TTC21A: variants seen among roughly 807,000 people sequenced by gnomAD.
TTC21A encodes tetratricopeptide repeat protein 21A.
TTC21A carries 128 observed loss-of-function variants against 156.4 expected under a neutral mutation model. The ratio of observed to expected loss-of-function variants is 0.82; its 90% CI spans 0.71 to 0.95. The LOEUF is 0.95. TTC21A is among the 40% of genes least tolerant of loss of function. The probability of loss-of-function intolerance (pLI) is 0.00; values close to 1 mark genes in which losing one functional copy is unlikely to be tolerated. For missense variants in TTC21A, 1,435 were observed against 1,602.3 expected, an observed-to-expected ratio of 0.90 and a Z score of 1.78; for synonymous variants, 587 against 617.1, an observed-to-expected ratio of 0.95 and a Z score of 0.72.
intron 8 of TTC21A, among the ~76,000 whole-genome samples, chr3:39,120,334 A>G (rs2037665440): frequency 6.6e-6 from 1 of 152,182 alleles, no homozygotes; most frequent in African/African-American, 2.4e-5. Context: ...GCTGTTATGC[A>G]GCAGAGCCAC....
rs764658746 is a variant in TTC21A at position 39,110,987 on chromosome 3, C to T, written c.405C>T (p.Arg135=). The T allele has an allele frequency of 1.2e-6, 2 of 1,612,132 alleles. No individual in the cohort carries two copies. The highest frequency in any genetic ancestry group is 1.1e-5 in the South Asian group (1 of 90,984). ...RHDKAKEYID[R]MLKISRGFRE... ...ACAAGGCCAAAGAGTACATTGACCGCATGCTGAAGATTTCTAGAGGCTTCA... is the reference window on the plus strand; with the variant it reads ...ACAAGGCCAAAGAGTACATTGACCGTATGCTGAAGATTTCTAGAGGCTTCA... The change falls in exon 4 of 29, where the codon CGC becomes CGT. Residue 135 remains arginine, a synonymous_variant. Coordinates refer to ENST00000683103, the MANE Select transcript of TTC21A (RefSeq NM_001366900.1).
intron 20 of TTC21A, among the ~76,000 whole-genome samples, chr3:39,133,866 AATG>A (rs1301022672): frequency 3.9e-5 from 6 of 152,224 alleles, no homozygotes; most frequent in African/African-American, 1.4e-4. Flanking sequence ...AGGCAGCGCT[AATG>A]CCATGCAATA....
chr3:39,110,666 C>T (rs2036739040), intron 3 of TTC21A, among the ~76,000 whole-genome samples, 185 bp from the exon 4 acceptor site: 1 of 152,222 alleles, frequency 6.6e-6, no homozygotes, highest in Non-Finnish European at 1.5e-5. Flanking sequence ...CCTGCAGCAT[C>T]TCAAGGGCAG....
chr3:39,131,056 G>A lies in TTC21A; in HGVS notation c.2523G>A (p.Lys841=), dbSNP rs768735696. The change falls in exon 19 of 29, where the codon AAG becomes AAA. Residue 841 remains lysine, a synonymous_variant. Coordinates refer to ENST00000683103, the MANE Select transcript of TTC21A (RefSeq NM_001366900.1). ...KCLLLLAKVY[K]SHKKEAVIET... ...TGCTTTTGCTGGCAAAGGTTTACAA[G>A]AGCCATAAAAAAGAAGCTGTGATAG... is the stretch of plus-strand genomic sequence containing the variant. 6.2e-7 allele frequency: 1 copy of A among 1,612,830 alleles called. No individual in the cohort carries two copies. Among genetic ancestry groups the A allele is most frequent in the Non-Finnish European group, 8.5e-7 (1 of 1,180,018 alleles).
At position 39,129,177 on chromosome 3, in the gene TTC21A, A is replaced by C. The variant is rs1451246029; in HGVS notation, c.2002A>C (p.Asn668His). Residue 668 changes from asparagine to histidine, a missense_variant, in exon 15 of 29, where the codon AAT (asparagine) becomes CAT (histidine). Asn to His is a moderately conservative substitution (Grantham distance 68). Coordinates refer to ENST00000683103, the MANE Select transcript of TTC21A (RefSeq NM_001366900.1). ...CGTGGACTTGGTCCTGAGCAAGGGC[A>C]ATGTGGACGTGGCGCTGAACATGCT... ...ANVDLVLSKG[N>H]VDVALNMLRN... 1.2e-6 allele frequency: 2 copies of C among 1,614,140 alleles called. No homozygotes were observed. The highest frequency in any genetic ancestry group is 1.7e-6 in the Non-Finnish European group (2 of 1,180,056).
chr3:39,137,165 G>GT, intron 24 of TTC21A, 30 bp from the exon 25 acceptor site: 3 of 1,604,260 alleles, frequency 1.9e-6, no homozygotes, highest in Non-Finnish European at 2.6e-6. Context: ...CCACCGGCCT[G>GT]TGTCTGATAC....
At chr3:39,132,430 T>C (rs1469087389) in intron 19 of TTC21A, among the ~76,000 whole-genome samples, 1 of 152,166 alleles carries the variant, frequency 6.6e-6, no homozygotes, top group African/African-American at 2.4e-5. Flanking sequence ...GGCCTCAAAC[T>C]TGTTCCTGGA....
intron 19 of TTC21A, 49 bp from the exon 20 acceptor site, chr3:39,133,003 G>A (rs758171320): frequency 6.3e-7 from 1 of 1,587,234 alleles, no homozygotes. Flanking sequence ...TCTGTGAACT[G>A]GTATGTCAGG....
chr3:39,136,464 C>A lies in TTC21A; in HGVS notation c.3052C>A (p.Pro1018Thr), dbSNP rs375357877. ...GGCCAAGAAGGTGTCTAGCCGGGTG[C>A]CTTTGGAACCAGGGTTCAATTACTG... ...ELAKKVSSRVPLEPGFNYCRG... is the reference protein window; with the variant it reads ...ELAKKVSSRVTLEPGFNYCRG... Residue 1018 changes from proline to threonine, a missense_variant, in exon 23 of 29, where the codon CCT (proline) becomes ACT (threonine). Physicochemically the swap from Pro to Thr is conservative, Grantham distance 38. Coordinates refer to ENST00000683103, the MANE Select transcript of TTC21A (RefSeq NM_001366900.1). The A allele has an allele frequency of 3.1e-6, 5 of 1,614,250 alleles. No homozygotes were observed. The highest frequency in any genetic ancestry group is 3.4e-6 in the Non-Finnish European group (4 of 1,180,050).
rs775704868 is a variant in TTC21A, at chr3:39,129,154, T to C, written c.1979T>C (p.Val660Ala). 1 of 1,614,264 alleles carries C rather than the reference T, an allele frequency of 6.2e-7. No individual in the cohort carries two copies. The highest frequency in any genetic ancestry group is 8.5e-7 in the Non-Finnish European group (1 of 1,180,050). ...GAGAACCGCATCACCATTGCCAACGTGGACTTGGTCCTGAGCAAGGGCAAT... is the reference window on the plus strand; with the variant it reads ...GAGAACCGCATCACCATTGCCAACGCGGACTTGGTCCTGAGCAAGGGCAAT... ...PEENRITIANVDLVLSKGNVD... is the reference protein window; with the variant it reads ...PEENRITIANADLVLSKGNVD... Residue 660 changes from valine to alanine, a missense_variant, in exon 15 of 29, where the codon GTG (valine) becomes GCG (alanine). Val to Ala is a moderately conservative substitution (Grantham distance 64). Transcript: ENST00000683103.
chr3:39,119,659 A>G (rs1251053730), intron 7 of TTC21A: 2 of 300,696 alleles, frequency 6.7e-6, no homozygotes, highest in Non-Finnish European at 1.2e-5. Context: ...AAAAGAAAAA[A>G]AAAAAACAAA....
chr3:39,134,991 C>T lies in TTC21A; in HGVS notation c.2863-102C>T. On this transcript the variant is annotated intron_variant, in intron 21 of 28. Coordinates refer to ENST00000683103, the MANE Select transcript of TTC21A (RefSeq NM_001366900.1). The surrounding 1 kb of genome is among the most constrained non-coding windows in gnomAD (Gnocchi z 4.6). ...GGCTGCCTTGCAAGTCCTTTTCTAC[C>T]TTCCCTTCTTACCACCATCACCCCC... The T allele has an allele frequency of 9.7e-7, 1 of 1,028,940 alleles. No individual in the cohort carries two copies. The highest frequency in any genetic ancestry group is 1.5e-6 in the Non-Finnish European group (1 of 652,962). The allele number at this position is 1,028,940 out of a possible 1,614,324, so 63.7% of individuals were successfully genotyped here.
chr3:39,108,168 C>T (rs571605819), intron 1 of TTC21A: 3 of 564,838 alleles, frequency 5.3e-6, no homozygotes, highest in South Asian at 2.3e-5. Flanking sequence ...GCGCCTCCCA[C>T]CCCAGTTGAT....
At position 39,125,178 on chromosome 3, in the gene TTC21A, G is replaced by T. The variant is rs1214389292; in HGVS notation, c.1191+18G>T. The T allele has an allele frequency of 1.9e-6, 3 of 1,590,616 alleles. No homozygotes were observed. Among genetic ancestry groups the T allele is most frequent in the South Asian group, 2.2e-5 (2 of 90,574 alleles). ...AGTCTGAGGTCAGAGCTCCCTGGGGGTATGGGTTGCTCCAGGATGATGTCC... is the reference window on the plus strand; with the variant it reads ...AGTCTGAGGTCAGAGCTCCCTGGGGTTATGGGTTGCTCCAGGATGATGTCC... On this transcript the variant is annotated intron_variant, in intron 10 of 28. Transcript: ENST00000683103.
chr3:39,110,015 G>T lies in TTC21A; in HGVS notation c.158-14G>T, dbSNP rs755496354. 2 of 1,598,422 alleles carry T rather than the reference G, an allele frequency of 1.3e-6. No homozygotes were observed. The highest frequency in any genetic ancestry group is 4.5e-5 in the East Asian group (2 of 44,808). On this transcript the variant is annotated splice_polypyrimidine_tract_variant and intron_variant, in intron 2 of 28. Coordinates refer to ENST00000683103, the MANE Select transcript of TTC21A (RefSeq NM_001366900.1). ...TGGAGCTTGAGAGTATAACTATGTG[G>T]ACTGTCTTTGCAGAGCACATCCAGG...
Position 39,125,135 on chromosome 3 carries a change from T to G in TTC21A, c.1166T>G (p.Val389Gly), listed in dbSNP as rs1575531040. 2 of 1,613,728 alleles carry G rather than the reference T, an allele frequency of 1.2e-6. No homozygotes were observed. Among genetic ancestry groups the G allele is most frequent in the Non-Finnish European group, 1.7e-6 (2 of 1,179,926 alleles). ...AEYRLEFLKEVQKSLGKSEVL... is the reference protein window; with the variant it reads ...AEYRLEFLKEGQKSLGKSEVL... Reference sequence around the variant, plus strand: ...TACCGGCTGGAATTCCTGAAGGAGGTGCAGAAGTCCCTTGGGAAGTCTGAG... The same window carrying G: ...TACCGGCTGGAATTCCTGAAGGAGGGGCAGAAGTCCCTTGGGAAGTCTGAG... The change falls in exon 10 of 29, where the codon GTG (valine) becomes GGG (glycine). Residue 389 changes from valine to glycine, a missense_variant. By Grantham distance (109) the Val-to-Gly change is moderately radical (BLOSUM62 -3). Coordinates refer to ENST00000683103, the MANE Select transcript of TTC21A (RefSeq NM_001366900.1).
chr3:39,134,432 C>T lies in TTC21A; in HGVS notation c.2862+104C>T. 1.2e-6 allele frequency: 1 copy of T among 823,648 alleles called. No homozygotes were observed. The allele number at this position is 823,648 out of a possible 1,614,324, so 51.0% of individuals were successfully genotyped here. On this transcript the variant is annotated intron_variant, in intron 21 of 28. Coordinates refer to ENST00000683103, the MANE Select transcript of TTC21A (RefSeq NM_001366900.1). This position sits in a 1 kb window ranked among gnomAD's most constrained non-coding sequence, Gnocchi z 4.6. ...CCTAGCCCCGTAACCTCAGATGCCT[C>T]ACTGACACACCTCTGAGGAGCTGTC...
At position 39,118,062 on chromosome 3, in the gene TTC21A, C is replaced by G. The variant is rs773195351; in HGVS notation, c.717-7C>G. 4 of 1,608,024 alleles carry G rather than the reference C, an allele frequency of 2.5e-6. No homozygotes were observed. Among genetic ancestry groups the G allele is most frequent in the Non-Finnish European group, 3.4e-6 (4 of 1,174,372 alleles). On this transcript the variant is annotated splice_polypyrimidine_tract_variant and splice_region_variant and intron_variant, in intron 6 of 28. Coordinates refer to ENST00000683103, the MANE Select transcript of TTC21A (RefSeq NM_001366900.1). Reference sequence around the variant, plus strand: ...CTCAATTCATGTGCCTCCTCTTCTTCCTTCAGAATCCTAGAAAAAGATGAG... The same window carrying G: ...CTCAATTCATGTGCCTCCTCTTCTTGCTTCAGAATCCTAGAAAAAGATGAG...
rs759304669 is a variant in TTC21A, at chr3:39,138,634, A to G, written c.3864+11A>G. 6.2e-7 allele frequency: 1 copy of G among 1,614,230 alleles called. No homozygotes were observed. Among genetic ancestry groups the G allele is most frequent in the Non-Finnish European group, 8.5e-7 (1 of 1,180,030 alleles). ...GAAATCTGCAACGATGTAAGCCAGC[A>G]GCCTTGGTGGGGAGGGCCTGGTGTA... is the stretch of plus-strand genomic sequence containing the variant. On this transcript the variant is annotated intron_variant, in intron 28 of 28. Transcript: ENST00000683103.
Sources: gnomAD v4.1 joint callset for allele counts (sites outside exome capture counted in the v4.1 genomes callset) on GRCh38, gnomAD v4.1.1 for gene constraint, Gnocchi (gnomAD v3.1) non-coding constraint, MANE v1.5 for transcripts, NCBI Gene and HGNC (gene_info 2026-07-23, HGNC 2026-07-21) for gene names.